The following NOL10 variants were observed in gnomAD, a reference collection of about 807,000 sequenced individuals.
NOL10 encodes nucleolar protein 10.
In NOL10, 58 loss-of-function variants were observed where a neutral mutation model predicts 103.5. The ratio of observed to expected loss-of-function variants is 0.56; its 90% CI spans 0.45 to 0.70. The LOEUF (loss-of-function observed/expected upper bound fraction) is 0.70, where lower values mean the gene tolerates loss of function less well. Ranked by LOEUF, NOL10 falls within the 30% of genes least tolerant of loss-of-function variation. NOL10 has a pLI of 0.00. For synonymous variants in NOL10, 287 were observed against 282.5 expected (o/e 1.02, Z -0.16); for missense variants, 763 against 807.3 (o/e 0.95, Z 0.67).
At chr2:10,660,581 G>T (rs764659295) in intron 9 of NOL10, among the ~76,000 whole-genome samples, 16 of 152,166 alleles carry the variant, frequency 1.1e-4, no homozygotes, top group Non-Finnish European at 1.9e-4. Flanking sequence ...GCCTCCCAAA[G>T]TGCTGGGATT....
intron 14 of NOL10, among the ~76,000 whole-genome samples, chr2:10,606,117 A>T (rs2148191452): frequency 6.6e-6 from 1 of 152,282 alleles, no homozygotes; most frequent in South Asian, 2.1e-4. Flanking sequence ...AAGCAGGCGC[A>T]ACATGTCCTG....
intron 3 of NOL10, among the ~76,000 whole-genome samples, chr2:10,680,327 G>GGAGAGGGAGAAGAGA (rs1681659972): frequency 1.4e-5 from 1 of 72,448 alleles, no homozygotes; most frequent in Non-Finnish European, 2.6e-5. Context: ...GGGAGAAGAG[G>GGAGAGGGAGAAGAGA]GAGAGGGAGA....
At chr2:10,595,213 G>C (rs925000045) in intron 17 of NOL10, among the ~76,000 whole-genome samples, 2 of 150,590 alleles carry the variant, frequency 1.3e-5, no homozygotes, top group East Asian at 1.9e-4. Flanking sequence ...AAAGGCAAAA[G>C]TGGTTGTCTG....
At chr2:10,677,808 C>T (rs1258888682) in intron 3 of NOL10, among the ~76,000 whole-genome samples, 1 of 151,094 alleles carries the variant, frequency 6.6e-6, no homozygotes, top group African/African-American at 2.4e-5. Context: ...AAATATGAGC[C>T]CACTGTCGTA....
At chr2:10,686,480 C>T (rs1219192963) in intron 1 of NOL10, among the ~76,000 whole-genome samples, 1 of 152,154 alleles carries the variant, frequency 6.6e-6, no homozygotes, top group Admixed American at 6.6e-5. Flanking sequence ...TCAAAGGACT[C>T]TGCTTTTCAC....
rs553744962 is a variant in NOL10, at chr2:10,574,018, A to C, written c.1948-1828T>G. On this transcript the variant is annotated intron_variant, in intron 20 of 20. Coordinates refer to ENST00000381685, the MANE Select transcript of NOL10 (RefSeq NM_024894.4). The stretch of plus-strand genomic sequence containing the variant: ...AGTCCTGTGCTTACTGAAACTGTGC[A>C]AAGTTTGGTCCCTTACCAAACACTC... Among the ~76,000 whole-genome samples the C allele has an allele frequency of 5.0e-4, 45 of 89,806 alleles. No homozygotes were observed. The East Asian group carries it at 0.026, about 53-fold the overall frequency. 58.9% of individuals were successfully genotyped at this position (89,806 alleles called of 152,430 possible). A position where few individuals can be genotyped will look rare whatever the true frequency, so the allele number is the denominator to read the frequency against.
chr2:10,576,496 A>G (rs1674457257), intron 20 of NOL10, among the ~76,000 whole-genome samples: 1 of 152,260 alleles, frequency 6.6e-6, no homozygotes, highest in Non-Finnish European at 1.5e-5. Context: ...AAAATGTGTT[A>G]TATACGTACA....
chr2:10,601,006 C>T (rs1023679785), intron 16 of NOL10, 64 bp from the exon 17 acceptor site: 2 of 962,032 alleles, frequency 2.1e-6, no homozygotes, highest in African/African-American at 1.7e-5. Context: ...TACATATTAG[C>T]TTAAAGGTAA....
intron 3 of NOL10, among the ~76,000 whole-genome samples, chr2:10,680,662 T>C (rs1395842829): frequency 6.6e-6 from 1 of 152,168 alleles, no homozygotes; most frequent in Non-Finnish European, 1.5e-5. Context: ...CTAAGAGATG[T>C]AGATAGTGTT....
intron 8 of NOL10, among the ~76,000 whole-genome samples, chr2:10,665,561 C>CTT (rs770790733): frequency 1.2e-4 from 18 of 152,330 alleles, no homozygotes; most frequent in Non-Finnish European, 1.8e-4. Context: ...GAAGCCCAGT[C>CTT]TTTGAGCATC....
chr2:10,677,881 A>G (rs994344095), intron 3 of NOL10, among the ~76,000 whole-genome samples: 9 of 149,262 alleles, frequency 6.0e-5, no homozygotes, highest in African/African-American at 2.3e-4. Context: ...GTATACACAT[A>G]TATATGCGTG....
intron 19 of NOL10, among the ~76,000 whole-genome samples, chr2:10,580,021 A>G (rs13414311): frequency 0.015 from 2,267 of 152,332 alleles, 57 homozygotes; most frequent in African/African-American, 0.052. Flanking sequence ...TTGGAAAGAC[A>G]AGCTGAGTTT....
chr2:10,680,339 G>A (rs1211291607), intron 3 of NOL10, among the ~76,000 whole-genome samples: 1 of 123,092 alleles, frequency 8.1e-6, no homozygotes, highest in Non-Finnish European at 1.7e-5. Context: ...AGAGGGAGAA[G>A]AGGGAGAGGG....
At chr2:10,574,980 G>A (rs1010820094) in intron 20 of NOL10, among the ~76,000 whole-genome samples, 42 of 152,336 alleles carry the variant, frequency 2.8e-4, no homozygotes, top group African/African-American at 8.7e-4. Context: ...CTCCCAAGGC[G>A]GCATCTGGAA....
At chr2:10,681,073 TACAC>T (rs1394311158) in intron 3 of NOL10, among the ~76,000 whole-genome samples, 8 of 152,118 alleles carry the variant, frequency 5.3e-5, no homozygotes, top group Non-Finnish European at 1.2e-4. Context: ...ACACTAAACA[TACAC>T]CTACCTAGGA....
chr2:10,629,408 A>C (rs1030289879), intron 13 of NOL10, among the ~76,000 whole-genome samples: 1 of 152,224 alleles, frequency 6.6e-6, no homozygotes, highest in Non-Finnish European at 1.5e-5. Flanking sequence ...TATAATAATA[A>C]AGAAATGTTT....
chr2:10,689,967 G>T lies in NOL10; in HGVS notation c.-106C>A. On this transcript the variant is annotated 5_prime_UTR_variant, in exon 1 of 21. Transcript: ENST00000381685. ...CCTGCTCCGCGGCGTGCGGCCGCTG[G>T]CGCCGACTGATGACGCACTTCCTGG... 1 of 1,030,174 alleles carries T rather than the reference G, an allele frequency of 9.7e-7. No homozygotes were observed. Among genetic ancestry groups the T allele is most frequent in the Non-Finnish European group, 1.4e-6 (1 of 694,978 alleles). 63.8% of individuals were successfully genotyped at this position (1,030,174 alleles called of 1,614,324 possible). A position where few individuals can be genotyped will look rare whatever the true frequency, so the allele number is the denominator to read the frequency against.
At chr2:10,656,024 G>A (rs1679825947) in intron 11 of NOL10, among the ~76,000 whole-genome samples, 1 of 152,124 alleles carries the variant, frequency 6.6e-6, no homozygotes, top group Admixed American at 6.5e-5. Flanking sequence ...ATGACAAAAA[G>A]GTGTCAAAGG....
At chr2:10,678,127 T>C (rs1387581742) in intron 3 of NOL10, among the ~76,000 whole-genome samples, 26 of 152,048 alleles carry the variant, frequency 1.7e-4, no homozygotes, top group Admixed American at 1.7e-3. Flanking sequence ...TAGCTCACTG[T>C]AACCTCAAAC....
Sources: allele counts gnomAD v4.1 joint callset (sites outside exome capture counted in the v4.1 genomes callset), GRCh38; gene constraint gnomAD v4.1.1; transcripts MANE v1.5; gene names NCBI Gene and HGNC (gene_info 2026-07-23, HGNC 2026-07-21).